The following BNC2 variants were observed in gnomAD, a reference collection of about 807,000 sequenced individuals.
The protein encoded by BNC2 is basonuclin zinc finger protein 2.
A neutral mutation model predicts 76.3 loss-of-function variants in BNC2; 20 were observed. The observed-to-expected ratio is 0.26, with a 90% CI of 0.18 to 0.38. The LOEUF is 0.38. BNC2 is among the 10% of genes least tolerant of loss of function. The probability of loss-of-function intolerance (pLI) is 1.00; values close to 1 mark genes in which losing one functional copy is unlikely to be tolerated. For missense variants in BNC2, 1,382 were observed against 1,399.8 expected (o/e 0.99, Z 0.20); for synonymous variants, 582 against 514.8 (o/e 1.13, Z -1.77).
chr9:16,478,614 T>C (rs1214546110), intron 5 of BNC2, among the ~76,000 whole-genome samples: 1 of 152,206 alleles, frequency 6.6e-6, no homozygotes, highest in East Asian at 1.9e-4. Context: ...TAACAGAATA[T>C]TCAGCTTAAA....
chr9:16,791,353 G>A (rs375743529), intron 1 of BNC2, among the ~76,000 whole-genome samples: 10 of 152,102 alleles, frequency 6.6e-5, no homozygotes, highest in East Asian at 1.9e-4. Context: ...GAGCCACCGC[G>A]CCCGGCCACA....
rs1019722854 is a variant in BNC2 at position 16,412,397 on chromosome 9, T to G, written c.*6592A>C. On this transcript the variant is annotated 3_prime_UTR_variant, in exon 7 of 7. Coordinates refer to ENST00000380672, the MANE Select transcript of BNC2 (RefSeq NM_017637.6). ...CACTTTTTGAAGGGGAAGAAAAATA[T>G]TTTAATCTTTTCCCTACAGATTAGG... The G allele has an allele frequency of 6.6e-6, 1 of 152,482 alleles. No homozygotes were observed. Among genetic ancestry groups the G allele is most frequent in the African/African-American group, 2.4e-5 (1 of 41,424 alleles). The allele number at this position is 152,482 out of a possible 1,614,324, so 9.4% of individuals were successfully genotyped here.
intron 1 of BNC2, among the ~76,000 whole-genome samples, chr9:16,864,386 G>C (rs890284522): frequency 1.4e-4 from 21 of 152,142 alleles, no homozygotes; most frequent in African/African-American, 5.1e-4. Flanking sequence ...TACTGCTTTT[G>C]TCCTCTGAAA....
At chr9:16,532,162 C>T (rs188962155) in intron 5 of BNC2, among the ~76,000 whole-genome samples, 1 of 150,832 alleles carries the variant, frequency 6.6e-6, no homozygotes, top group African/African-American at 2.4e-5. Context: ...TTAGGAAGCA[C>T]TGACTATAGG....
chr9:16,630,802 C>T (rs1191766401), intron 3 of BNC2, among the ~76,000 whole-genome samples: 4 of 142,248 alleles, frequency 2.8e-5, no homozygotes, highest in East Asian at 2.0e-4. Context: ...GGCAACGGTG[C>T]GATCTCGGCT....
chr9:16,551,501 C>A (rs1052385304), intron 5 of BNC2, among the ~76,000 whole-genome samples: 2 of 152,228 alleles, frequency 1.3e-5, no homozygotes, highest in African/African-American at 4.8e-5. Context: ...GGAGATATGT[C>A]TAGCACTATA....
Position 16,665,385 on chromosome 9 carries a change from AAAG to A in BNC2, c.330+62409_330+62411del, listed in dbSNP as rs1159524234. On this transcript the variant is annotated intron_variant, in intron 3 of 6. Transcript: ENST00000380672. The stretch of plus-strand genomic sequence containing the variant: ...ACCTCTGTCTCAAAAAAAAAAAAAA[AAAG>A]AGAGAGAGAGAGAGAAAGAGAGAAA... 4.3e-4 allele frequency among the ~76,000 whole-genome samples: 18 copies of A among 41,752 alleles called. 1 individual carries two copies. The highest frequency in any genetic ancestry group is 2.3e-3 in the East Asian group (3 of 1,298). 27.4% of individuals were successfully genotyped at this position (41,752 alleles called of 152,430 possible).
At chr9:16,648,566 G>A (rs894546468) in intron 3 of BNC2, among the ~76,000 whole-genome samples, 2 of 152,198 alleles carry the variant, frequency 1.3e-5, no homozygotes, top group African/African-American at 4.8e-5. Flanking sequence ...TATTCACTGT[G>A]CCGAATGCAA....
chr9:16,567,158 C>T (rs1171317329), intron 4 of BNC2, among the ~76,000 whole-genome samples: 1 of 152,128 alleles, frequency 6.6e-6, no homozygotes, highest in African/African-American at 2.4e-5. Context: ...GGCTAAGCCA[C>T]AGGACCCCAA....
chr9:16,609,939 T>C (rs974173585), intron 3 of BNC2, among the ~76,000 whole-genome samples: 1 of 152,168 alleles, frequency 6.6e-6, no homozygotes, highest in Admixed American at 6.6e-5. Context: ...TTTGTTTTGC[T>C]CTTATTCTTC....
intron 3 of BNC2, among the ~76,000 whole-genome samples, chr9:16,631,891 C>G (rs1424035899): frequency 6.6e-6 from 1 of 152,080 alleles, no homozygotes; most frequent in Non-Finnish European, 1.5e-5. Flanking sequence ...TAGTAGCCAA[C>G]CAGGCAAGAT....
intron 3 of BNC2, among the ~76,000 whole-genome samples, chr9:16,608,492 A>G (rs1820445885): frequency 6.6e-6 from 1 of 152,152 alleles, no homozygotes; most frequent in Non-Finnish European, 1.5e-5. Context: ...ATAAGCATTT[A>G]AAAATAATCA....
At chr9:16,789,129 G>A (rs1328582082) in intron 1 of BNC2, among the ~76,000 whole-genome samples, 1 of 152,118 alleles carries the variant, frequency 6.6e-6, no homozygotes, top group Admixed American at 6.5e-5. Context: ...CAGAATTAAA[G>A]CACTACATAC....
chr9:16,784,604 C>G (rs1462173499), intron 1 of BNC2, among the ~76,000 whole-genome samples: 1 of 152,150 alleles, frequency 6.6e-6, no homozygotes, highest in African/African-American at 2.4e-5. Context: ...ACTCTGAATA[C>G]AGAGAGTCTG....
chr9:16,755,842 C>T (rs894438962), intron 1 of BNC2, among the ~76,000 whole-genome samples: 1 of 152,138 alleles, frequency 6.6e-6, no homozygotes. Context: ...TATAAAAGAC[C>T]ATTTTATCCT....
intron 4 of BNC2, among the ~76,000 whole-genome samples, chr9:16,568,720 G>A (rs930132661): frequency 2.0e-5 from 3 of 152,116 alleles, no homozygotes; most frequent in Admixed American, 2.0e-4. Context: ...CTTAACACTT[G>A]GGGAGAACAT....
At chr9:16,805,162 T>C (rs929245097) in intron 1 of BNC2, among the ~76,000 whole-genome samples, 7 of 152,152 alleles carry the variant, frequency 4.6e-5, no homozygotes, top group African/African-American at 7.2e-5. Context: ...AAATAATCCA[T>C]GGACATAGTA....
intron 5 of BNC2, among the ~76,000 whole-genome samples, chr9:16,469,482 G>A (rs773902384): frequency 6.6e-5 from 10 of 152,188 alleles, no homozygotes; most frequent in Non-Finnish European, 1.3e-4. Flanking sequence ...TGATTCTGAG[G>A]CCTCCTTAGC....
intron 1 of BNC2, among the ~76,000 whole-genome samples, chr9:16,851,837 G>A (rs187781785): frequency 2.0e-5 from 3 of 152,248 alleles, no homozygotes; most frequent in Admixed American, 2.0e-4. Context: ...GTCACTGAAA[G>A]AGCTCACATA....
Sources: allele counts gnomAD v4.1 joint callset (sites outside exome capture counted in the v4.1 genomes callset), GRCh38; gene constraint gnomAD v4.1.1; transcripts MANE v1.5; gene names NCBI Gene and HGNC (gene_info 2026-07-23, HGNC 2026-07-21).